SMAD5: variants seen among roughly 807,000 people sequenced by gnomAD.
SMAD5 encodes the protein MAD, mothers against decapentaplegic homolog 5.
A neutral mutation model predicts 43.1 loss-of-function variants in SMAD5; 9 were observed. The observed-to-expected ratio is 0.21, with a 90% CI of 0.13 to 0.36. The LOEUF is 0.36. Among genes scored for constraint, SMAD5 ranks in the 10% least tolerant of loss-of-function variants. The pLI, the probability that SMAD5 is intolerant of heterozygous loss-of-function variation, is 1.00. For synonymous variants in SMAD5, 190 were observed against 192.4 expected, an observed-to-expected ratio of 0.99 and a Z score of 0.10; for missense variants, 348 against 574.0, an observed-to-expected ratio of 0.61 and a Z score of 4.02.
At chr5:136,167,560 C>T (rs1424186519) in intron 5 of SMAD5, among the ~76,000 whole-genome samples, 1 of 152,016 alleles carries the variant, frequency 6.6e-6, no homozygotes, top group African/African-American at 2.4e-5. Context: ...GGCAGATCAT[C>T]TGAGGCTCAG....
At chr5:136,137,379 T>C (rs1356823671) in intron 1 of SMAD5, among the ~76,000 whole-genome samples, 2 of 152,022 alleles carry the variant, frequency 1.3e-5, no homozygotes. Context: ...TTTTTTCTTT[T>C]GATATCCATA....
At chr5:136,136,409 A>C (rs1054938478) in intron 1 of SMAD5, among the ~76,000 whole-genome samples, 1 of 152,044 alleles carries the variant, frequency 6.6e-6, no homozygotes, top group African/African-American at 2.4e-5. Flanking sequence ...AACTCTTAAC[A>C]TACCTTGTTT....
intron 6 of SMAD5, among the ~76,000 whole-genome samples, chr5:136,173,222 C>T (rs1754286146): frequency 7.7e-6 from 1 of 129,106 alleles, no homozygotes; most frequent in Non-Finnish European, 1.6e-5. Context: ...ATAATTCATC[C>T]TGCAGATAGT....
chr5:136,164,788 G>A (rs1170705892), intron 5 of SMAD5, among the ~76,000 whole-genome samples: 1 of 151,890 alleles, frequency 6.6e-6, no homozygotes, highest in East Asian at 1.9e-4. Context: ...AGAAATTTTT[G>A]TCTATCCCAA....
intron 1 of SMAD5, among the ~76,000 whole-genome samples, chr5:136,140,575 T>C (rs1205783434): frequency 2.0e-5 from 3 of 152,024 alleles, no homozygotes; most frequent in African/African-American, 7.2e-5. Flanking sequence ...GTAATGGTTT[T>C]CCCCTAGATA....
At position 136,174,505 on chromosome 5, in the gene SMAD5, G is replaced by C; in HGVS notation, c.1127G>C (p.Ser376Thr). 1 of 1,613,860 alleles carries C rather than the reference G, an allele frequency of 6.2e-7. No homozygotes were observed. Among genetic ancestry groups the C allele is most frequent in the South Asian group, 1.1e-5 (1 of 91,072 alleles). ...CCCACCACTGTCTGTAAGATTCCCA[G>C]CAGCTGCAGCCTCAAAATTTTTAAC... is the stretch of plus-strand genomic sequence containing the variant. ...FHPTTVCKIP[S>T]SCSLKIFNNQ... The change falls in exon 7 of 8, where the codon AGC (serine) becomes ACC (threonine). Residue 376 changes from serine (S) to threonine (T), a missense_variant. Ser to Thr is a moderately conservative substitution (Grantham distance 58, BLOSUM62 1). Transcript: ENST00000545279.
intron 5 of SMAD5, among the ~76,000 whole-genome samples, chr5:136,165,808 T>G (rs1406527890): frequency 6.6e-5 from 10 of 151,976 alleles, no homozygotes; most frequent in African/African-American, 2.2e-4. Flanking sequence ...CCAAATTTTG[T>G]TTATCTATTC....
intron 3 of SMAD5, 93 bp downstream of exon 3, chr5:136,154,256 T>A: frequency 2.6e-6 from 2 of 778,470 alleles, no homozygotes; most frequent in East Asian, 6.0e-5. Flanking sequence ...ATGAAAAGGT[T>A]GTATTAGCTT....
At chr5:136,162,278 A>T (rs990647902) in intron 4 of SMAD5, among the ~76,000 whole-genome samples, 1 of 152,192 alleles carries the variant, frequency 6.6e-6, no homozygotes, top group South Asian at 2.1e-4. Context: ...TCAAACAAAC[A>T]TGGGGAGAAT....
At chr5:136,140,724 T>A (rs1328865564) in intron 1 of SMAD5, among the ~76,000 whole-genome samples, 1 of 151,660 alleles carries the variant, frequency 6.6e-6, no homozygotes, top group Non-Finnish European at 1.5e-5. Context: ...CTGTTTTAAT[T>A]TTTCTCTATA....
intron 5 of SMAD5, among the ~76,000 whole-genome samples, chr5:136,167,926 G>A (rs748317323): frequency 5.9e-5 from 9 of 151,612 alleles, no homozygotes; most frequent in African/African-American, 1.7e-4. Flanking sequence ...TGAATACAGC[G>A]GCACAATTCG....
rs796576811 is a variant in SMAD5 at position 136,179,964 on chromosome 5, TAAC to T, written c.*2487_*2489del. The T allele has an allele frequency of 4.6e-5, 7 of 152,322 alleles. No homozygotes were observed. The highest frequency in any genetic ancestry group is 1.2e-4 in the African/African-American group (5 of 41,574). The allele number at this position is 152,322 out of a possible 1,614,324, so 9.4% of individuals were successfully genotyped here. On this transcript the variant is annotated 3_prime_UTR_variant, in exon 8 of 8. Coordinates refer to ENST00000545279, the MANE Select transcript of SMAD5 (RefSeq NM_005903.7). ...GGGTCATTATGTCACAGTCTTGAGT[TAAC>T]AAGATCTTACGTGATTGGCCTTTTC...
At chr5:136,143,298 G>GT (rs1580764788) in intron 1 of SMAD5, among the ~76,000 whole-genome samples, 4 of 149,742 alleles carry the variant, frequency 2.7e-5, no homozygotes, top group Admixed American at 6.7e-5. Flanking sequence ...CACGGTGTGT[G>GT]TGTGTTCCTC....
At chr5:136,133,912 G>T (rs1752773777) in intron 1 of SMAD5, 1 of 154,490 alleles carries the variant, frequency 6.5e-6, no homozygotes, top group Non-Finnish European at 1.5e-5. Context: ...GAATGTTCCG[G>T]TTCTGGTGGT....
intron 7 of SMAD5, among the ~76,000 whole-genome samples, chr5:136,175,792 A>G (rs1294750616): frequency 6.6e-6 from 1 of 152,070 alleles, no homozygotes; most frequent in East Asian, 1.9e-4. Context: ...GTTACCCTGA[A>G]GGTATTTCTG....
intron 7 of SMAD5, 21 bp from the exon 8 acceptor site, chr5:136,177,316 G>T: frequency 6.2e-7 from 1 of 1,612,080 alleles, no homozygotes; most frequent in South Asian, 1.1e-5. Context: ...GATTTGTGAT[G>T]ATATCTGTTC....
At chr5:136,174,958 T>G (rs1004323011) in intron 7 of SMAD5, among the ~76,000 whole-genome samples, 2 of 152,152 alleles carry the variant, frequency 1.3e-5, no homozygotes, top group African/African-American at 4.8e-5. Context: ...ATAGACATAC[T>G]CAAGACTGGG....
At chr5:136,159,253 G>A (rs748129066) in intron 3 of SMAD5, among the ~76,000 whole-genome samples, 1 of 152,076 alleles carries the variant, frequency 6.6e-6, no homozygotes, top group Non-Finnish European at 1.5e-5. Flanking sequence ...TGCCCTAAGA[G>A]CAAGTCTACA....
Position 136,154,169 on chromosome 5 carries a change from T to G in SMAD5, c.403+6T>G, listed in dbSNP as rs770598420. The G allele has an allele frequency of 6.8e-7, 1 of 1,480,602 alleles. No homozygotes were observed. The highest frequency in any genetic ancestry group is 8.9e-7 in the Non-Finnish European group (1 of 1,118,050). The allele number at this position is 1,480,602 out of a possible 1,614,324, so 91.7% of individuals were successfully genotyped here. A position where few individuals can be genotyped will look rare whatever the true frequency, so the allele number is the denominator to read the frequency against. ...TAAGAGAGTGGAGAGTCCAGGTAGGTCTTATTCCTGAGAAGAATTTGGAAA... is the reference window on the plus strand; with the variant it reads ...TAAGAGAGTGGAGAGTCCAGGTAGGGCTTATTCCTGAGAAGAATTTGGAAA... On this transcript the variant is annotated splice_donor_region_variant and intron_variant, in intron 3 of 7. Transcript: ENST00000545279.
Sources: allele counts gnomAD v4.1 joint callset (sites outside exome capture counted in the v4.1 genomes callset), GRCh38; gene constraint gnomAD v4.1.1; transcripts MANE v1.5; gene names NCBI Gene and HGNC (gene_info 2026-07-23, HGNC 2026-07-21).